DLGAP2: variants seen among roughly 807,000 people sequenced by gnomAD.
The protein encoded by DLGAP2 is DLG associated protein 2, also known as disks large-associated protein 2.
In DLGAP2, 26 loss-of-function variants were observed where a neutral mutation model predicts 100.3. That is an observed-to-expected ratio of 0.26 (90% CI 0.19 to 0.36). The LOEUF (loss-of-function observed/expected upper bound fraction) is 0.36, where lower values mean the gene tolerates loss of function less well. Ranked by LOEUF, DLGAP2 falls within the 10% of genes least tolerant of loss-of-function variation. The pLI, the probability that DLGAP2 is intolerant of heterozygous loss-of-function variation, is 1.00. For synonymous variants in DLGAP2, 886 were observed against 630.1 expected, an observed-to-expected ratio of 1.41 and a Z score of -6.08; for missense variants, 1,858 against 1,453.2, an observed-to-expected ratio of 1.28 and a Z score of -4.53.
Position 1,706,520 on chromosome 8 carries a change from C to T in DLGAP2, c.*5114C>T, listed in dbSNP as rs1247370528. 1 of 152,158 alleles carries T rather than the reference C, an allele frequency of 6.6e-6. No homozygotes were observed. Among genetic ancestry groups the T allele is most frequent in the African/African-American group, 2.4e-5 (1 of 41,422 alleles). 9.4% of individuals were successfully genotyped at this position (152,158 alleles called of 1,614,324 possible). ...ATCAGGGACCACCAGAGGCAGAGGCCATGAGACTGTCTTTGGAAAGGTTTG... is the reference window on the plus strand; with the variant it reads ...ATCAGGGACCACCAGAGGCAGAGGCTATGAGACTGTCTTTGGAAAGGTTTG... On this transcript the variant is annotated 3_prime_UTR_variant, in exon 15 of 15. Coordinates refer to ENST00000637795, the MANE Select transcript of DLGAP2 (RefSeq NM_001346810.2).
intron 6 of DLGAP2, among the ~76,000 whole-genome samples, chr8:1,600,083 C>A (rs928099404): frequency 6.6e-6 from 1 of 152,070 alleles, no homozygotes; most frequent in African/African-American, 2.4e-5. Context: ...ATAATATCTC[C>A]CAGCATTTGC....
chr8:1,101,317 G>A (rs1199502270), intron 2 of DLGAP2, among the ~76,000 whole-genome samples: 5 of 152,340 alleles, frequency 3.3e-5, no homozygotes, highest in Admixed American at 3.3e-4. Context: ...CCATTTGTTG[G>A]CCAGTGTATG....
intron 2 of DLGAP2, among the ~76,000 whole-genome samples, chr8:1,113,327 A>T (rs1303177231): frequency 1.3e-5 from 2 of 152,148 alleles, no homozygotes; most frequent in Non-Finnish European, 1.5e-5. Flanking sequence ...GATGCTTTCT[A>T]TCCATGAGCC....
chr8:1,653,467 G>A (rs920015817), intron 8 of DLGAP2, among the ~76,000 whole-genome samples: 1 of 152,182 alleles, frequency 6.6e-6, no homozygotes, highest in Admixed American at 6.5e-5. Context: ...CACAGGTGTC[G>A]TTCATGCTCA....
At chr8:1,558,689 A>T (rs1208403883) in intron 5 of DLGAP2, among the ~76,000 whole-genome samples, 1 of 151,492 alleles carries the variant, frequency 6.6e-6, no homozygotes, top group East Asian at 1.9e-4. Flanking sequence ...ACACCCGTAT[A>T]CCTGCACACA....
At chr8:1,281,331 CG>C (rs1799809549) in intron 3 of DLGAP2, among the ~76,000 whole-genome samples, 1 of 152,162 alleles carries the variant, frequency 6.6e-6, no homozygotes, top group South Asian at 2.1e-4. Flanking sequence ...CCCTCGCTCC[CG>C]GCGAAGGCAG....
At chr8:1,106,707 G>T (rs1804785240) in intron 2 of DLGAP2, among the ~76,000 whole-genome samples, 1 of 150,202 alleles carries the variant, frequency 6.7e-6, no homozygotes, top group South Asian at 2.1e-4. Context: ...GCCATTCTAG[G>T]AGGGTTTTCT....
chr8:1,434,927 C>G (rs556909259), intron 3 of DLGAP2, among the ~76,000 whole-genome samples: 1 of 152,176 alleles, frequency 6.6e-6, no homozygotes, highest in Non-Finnish European at 1.5e-5. Context: ...ATGGGCGTGC[C>G]TGGTCTGCAT....
intron 1 of DLGAP2, among the ~76,000 whole-genome samples, chr8:906,508 T>C (rs959726728): frequency 1.3e-5 from 2 of 152,190 alleles, no homozygotes; most frequent in African/African-American, 4.8e-5. Context: ...CGAGGAGCCC[T>C]CGAAGGCGTC....
rs551870785 is a variant in DLGAP2 at position 1,190,540 on chromosome 8, G to T, written c.74-68311G>T. On this transcript the variant is annotated intron_variant, in intron 2 of 14. Coordinates refer to ENST00000637795, the MANE Select transcript of DLGAP2 (RefSeq NM_001346810.2). ...CCCGTCCCGTTCGACGCCTCTGGCC[G>T]CCCCGTCCTTGCTTCTCATCTCACA... Among the ~76,000 whole-genome samples the T allele has an allele frequency of 5.9e-5, 9 of 152,252 alleles. No individual in the cohort carries two copies. In the South Asian group the frequency reaches 8.3e-4, roughly 14 times the overall value.
At chr8:1,074,889 TG>T (rs746742703) in intron 2 of DLGAP2, among the ~76,000 whole-genome samples, 3 of 152,214 alleles carry the variant, frequency 2.0e-5, no homozygotes, top group African/African-American at 4.8e-5. Flanking sequence ...GGGTCCTGCA[TG>T]GGGTCAACCC....
At chr8:773,170 G>C (rs545571473) in intron 1 of DLGAP2, among the ~76,000 whole-genome samples, 2 of 152,168 alleles carry the variant, frequency 1.3e-5, no homozygotes, top group Non-Finnish European at 2.9e-5. Flanking sequence ...CAGTCAATGC[G>C]TCAGCAGGGC....
intron 1 of DLGAP2, among the ~76,000 whole-genome samples, chr8:782,892 C>G (rs1452110029): frequency 6.6e-6 from 1 of 152,206 alleles, no homozygotes; most frequent in Non-Finnish European, 1.5e-5. Flanking sequence ...GAAGAACCAA[C>G]CCCCAAATCA....
intron 6 of DLGAP2, among the ~76,000 whole-genome samples, chr8:1,622,880 A>G (rs1023286996): frequency 2.6e-5 from 4 of 152,110 alleles, no homozygotes; most frequent in Non-Finnish European, 5.9e-5. Flanking sequence ...TTCAGGGGGA[A>G]GAGTCAGGTG....
At chr8:1,628,373 C>A (rs183191005) in intron 7 of DLGAP2, among the ~76,000 whole-genome samples, 1 of 139,474 alleles carries the variant, frequency 7.2e-6, no homozygotes. Flanking sequence ...CTTGAGCCAA[C>A]CTCACATTCT....
intron 1 of DLGAP2, among the ~76,000 whole-genome samples, chr8:905,922 G>T (rs1434930310): frequency 1.3e-5 from 2 of 152,106 alleles, no homozygotes; most frequent in African/African-American, 4.8e-5. Context: ...ACCATGAAAG[G>T]GCAGCGATGG....
chr8:1,514,400 C>A (rs1027204678), intron 4 of DLGAP2, among the ~76,000 whole-genome samples: 1 of 152,206 alleles, frequency 6.6e-6, no homozygotes, highest in Admixed American at 6.5e-5. Context: ...CCCCAGAGCA[C>A]GTTTTAAGCT....
chr8:1,216,143 A>G (rs1798208526), intron 2 of DLGAP2, among the ~76,000 whole-genome samples: 1 of 152,102 alleles, frequency 6.6e-6, no homozygotes, highest in African/African-American at 2.4e-5. Flanking sequence ...TAGACAGGGG[A>G]GTGTGTGTTC....
In DLGAP2 at chr8:1,682,635, T is replaced by A. The variant is rs556246246; in HGVS notation, c.2704+4006T>A. On this transcript the variant is annotated intron_variant, in intron 12 of 14. Coordinates refer to ENST00000637795, the MANE Select transcript of DLGAP2 (RefSeq NM_001346810.2). ...GACTACAGACACGCACCACAGCACC[T>A]GGCTAATTTTGTATTTTTAGTAGAG... is the stretch of plus-strand genomic sequence containing the variant. 6.5e-4 allele frequency among the ~76,000 whole-genome samples: 99 copies of A among 151,588 alleles called. 5 individuals are homozygous for A. Among genetic ancestry groups the A allele is most frequent in the Non-Finnish European group, 5.0e-4 (34 of 67,692 alleles).
Sources: allele counts gnomAD v4.1 joint callset (sites outside exome capture counted in the v4.1 genomes callset), GRCh38; gene constraint gnomAD v4.1.1; transcripts MANE v1.5; gene names NCBI Gene and HGNC (gene_info 2026-07-23, HGNC 2026-07-21).